The following LAMA3 variants were observed in gnomAD, a reference collection of about 807,000 sequenced individuals.
LAMA3 encodes laminin subunit alpha 3.
LAMA3 carries 281 observed loss-of-function variants against 402.0 expected under a neutral mutation model. That is an observed-to-expected ratio of 0.70 (90% CI 0.63 to 0.77). The LOEUF is 0.77. Among genes scored for constraint, LAMA3 ranks in the 30% least tolerant of loss-of-function variants. The pLI, the probability that LAMA3 is intolerant of heterozygous loss-of-function variation, is 0.00. For missense variants in LAMA3, 3,840 were observed against 4,215.5 expected (o/e 0.91, Z 2.47); for synonymous variants, 1,431 against 1,558.4 (o/e 0.92, Z 1.93).
chr18:23,757,019 T>C (rs1340299226), intron 6 of LAMA3, among the ~76,000 whole-genome samples: 2 of 147,848 alleles, frequency 1.4e-5, no homozygotes, highest in African/African-American at 5.0e-5. Flanking sequence ...AGCCCCAGAC[T>C]CTGAGGCCTG....
chr18:23,750,024 T>C (rs1036915403), intron 4 of LAMA3, among the ~76,000 whole-genome samples: 1 of 152,102 alleles, frequency 6.6e-6, no homozygotes, highest in African/African-American at 2.4e-5. Flanking sequence ...CACCTCTAGA[T>C]AGAAAGAGCC....
At chr18:23,867,961 CTTAATTAT>C (rs770791255) in intron 37 of LAMA3, 44 bp downstream of exon 37, 1 of 1,411,690 alleles carries the variant, frequency 7.1e-7, no homozygotes, top group South Asian at 1.2e-5. Context: ...TGTTTTGTGA[CTTAATTAT>C]TTCAGACAAT....
At chr18:23,781,046 GA>G (rs2062426932) in intron 11 of LAMA3, among the ~76,000 whole-genome samples, 1 of 152,188 alleles carries the variant, frequency 6.6e-6, no homozygotes, top group Admixed American at 6.5e-5. Flanking sequence ...GGACTCAAGG[GA>G]TTTTCTTGAG....
At chr18:23,800,907 C>T (rs928315116) in intron 12 of LAMA3, among the ~76,000 whole-genome samples, 12 of 152,068 alleles carry the variant, frequency 7.9e-5, no homozygotes, top group African/African-American at 2.9e-4. Flanking sequence ...ATATATACCT[C>T]GTTTTCTTTA....
At chr18:23,811,722 A>G (rs973845933) in intron 13 of LAMA3, among the ~76,000 whole-genome samples, 5 of 152,108 alleles carry the variant, frequency 3.3e-5, no homozygotes, top group Non-Finnish European at 5.9e-5. Context: ...ACAGGAGAAC[A>G]TCAGAAAAGA....
At position 23,932,276 on chromosome 18, in the gene LAMA3, A is replaced by C; in HGVS notation, c.8693A>C (p.Asn2898Thr). Residue 2898 changes from asparagine (N) to threonine (T), a missense_variant, in exon 66 of 75, where the codon AAT (asparagine) becomes ACT (threonine). By Grantham distance (65) the Asn-to-Thr change is moderately conservative. Around this residue, in one of 3 missense-constraint regions of LAMA3, gnomAD observed 840 missense variants for 981.9 expected, o/e 0.86. Coordinates refer to ENST00000313654, the MANE Select transcript of LAMA3 (RefSeq NM_198129.4). Reference protein sequence around the residue: ...GGSNFEGCISNVFVQRLSLSP... With the variant: ...GGSNFEGCISTVFVQRLSLSP... ...AGCAATTTTGAGGGTTGTATTAGCAATGTTTTTGTCCAGAGGTAGGTGATC... is the reference window on the plus strand; with the variant it reads ...AGCAATTTTGAGGGTTGTATTAGCACTGTTTTTGTCCAGAGGTAGGTGATC... The C allele has an allele frequency of 1.2e-6, 2 of 1,614,052 alleles. No individual in the cohort carries two copies. The highest frequency in any genetic ancestry group is 1.7e-6 in the Non-Finnish European group (2 of 1,179,894).
rs200940439 is a variant in LAMA3, at chr18:23,749,575, T to G, written c.684+29T>G. On this transcript the variant is annotated intron_variant, in intron 4 of 74. Coordinates refer to ENST00000313654, the MANE Select transcript of LAMA3 (RefSeq NM_198129.4). Reference sequence around the variant, plus strand: ...AGTAGATTTGGAAGACTGGGAGAGATAAGACTCAGAAATGACCATGAGGAT... The same window carrying G: ...AGTAGATTTGGAAGACTGGGAGAGAGAAGACTCAGAAATGACCATGAGGAT... The G allele has an allele frequency of 6.2e-5, 81 of 1,300,250 alleles. 1 individual carries two copies. The East Asian group carries it at 1.8e-3, about 28-fold the overall frequency. The allele number at this position is 1,300,250 out of a possible 1,614,324, so 80.5% of individuals were successfully genotyped here.
rs4800520 is a variant in LAMA3 at position 23,879,524 on chromosome 18, G to A, written c.5113-2412G>A. On this transcript the variant is annotated intron_variant, in intron 39 of 74. Coordinates refer to ENST00000313654, the MANE Select transcript of LAMA3 (RefSeq NM_198129.4). This position sits in a 1 kb window ranked among gnomAD's most constrained non-coding sequence, Gnocchi z 4.2. ...CACAGGACTACATGTACCCCGAGTC[G>A]AGGGACCAACCCTTCTTTACATCGC... 0.11 allele frequency among the ~76,000 whole-genome samples: 17,436 copies of A among 152,206 alleles called. 2,233 individuals are homozygous for A. Among genetic ancestry groups the A allele is most frequent in the African/African-American group, 0.3 (12,382 of 41,512 alleles).
At chr18:23,920,890 C>A (rs759973724) in intron 60 of LAMA3, 45 bp from the exon 61 acceptor site, 2 of 1,612,088 alleles carry the variant, frequency 1.2e-6, no homozygotes, top group Non-Finnish European at 1.7e-6. Context: ...TCTGCCTCTT[C>A]TTCAGCCAAG....
chr18:23,713,335 C>T (rs1415575640), intron 1 of LAMA3, among the ~76,000 whole-genome samples: 1 of 152,188 alleles, frequency 6.6e-6, no homozygotes, highest in Non-Finnish European at 1.5e-5. Context: ...GTGCTCACTG[C>T]CACTTACCAA....
intron 9 of LAMA3, among the ~76,000 whole-genome samples, chr18:23,775,569 A>G (rs976405505): frequency 6.6e-6 from 1 of 151,748 alleles, no homozygotes; most frequent in Admixed American, 6.6e-5. Context: ...CATCCATGAG[A>G]ACTTCTGTGT....
intron 24 of LAMA3, 145 bp downstream of exon 24, chr18:23,834,133 A>G (rs1402757173): frequency 1.1e-6 from 1 of 893,906 alleles, no homozygotes; most frequent in Non-Finnish European, 1.8e-6. Context: ...TGTGTGGCCC[A>G]ACGTCATCAC....
In LAMA3 at chr18:23,842,434, C is replaced by G; in HGVS notation, c.3376C>G (p.Arg1126Gly). ...GAGAGGACGTGTACCACACCTGGGC[C>G]GATACGTCTTTGTCATCCATTTTTA... is the stretch of plus-strand genomic sequence containing the variant. ...TLRGRVPHLG[R>G]YVFVIHFYQA... Residue 1126 changes from arginine to glycine, a missense_variant, in exon 28 of 75, where the codon CGA becomes GGA. Coordinates refer to ENST00000313654, the MANE Select transcript of LAMA3 (RefSeq NM_198129.4). 1 of 1,614,088 alleles carries G rather than the reference C, an allele frequency of 6.2e-7. No individual in the cohort carries two copies. The highest frequency in any genetic ancestry group is 8.5e-7 in the Non-Finnish European group (1 of 1,180,024).
intron 21 of LAMA3, among the ~76,000 whole-genome samples, chr18:23,824,963 A>G (rs966159589): frequency 6.6e-6 from 1 of 152,220 alleles, no homozygotes; most frequent in Non-Finnish European, 1.5e-5. Context: ...CATAAGAACT[A>G]GCAACTTCAC....
At chr18:23,890,233 C>T in intron 42 of LAMA3, 116 bp downstream of exon 42, 1 of 753,742 alleles carries the variant, frequency 1.3e-6, no homozygotes, top group Non-Finnish European at 2.4e-6. Flanking sequence ...AGCCAGCAAG[C>T]TGTCCCCAGG....
chr18:23,722,393 A>G (rs954643308), intron 2 of LAMA3, among the ~76,000 whole-genome samples: 1 of 152,214 alleles, frequency 6.6e-6, no homozygotes, highest in African/African-American at 2.4e-5. Context: ...CTGTGTGAAC[A>G]TATTCTTTTT....
At chr18:23,729,110 T>C (rs2061347485) in intron 2 of LAMA3, among the ~76,000 whole-genome samples, 1 of 115,420 alleles carries the variant, frequency 8.7e-6, no homozygotes, top group Non-Finnish European at 1.7e-5. Context: ...GCATATGATG[T>C]ATTGTGTGTG....
Position 23,763,533 on chromosome 18 carries a change from T to TTA in LAMA3, c.1182+10_1182+11insTA, listed in dbSNP as rs765092658. The TTA allele has an allele frequency of 4.1e-6, 6 of 1,473,594 alleles. No individual in the cohort carries two copies. The highest frequency in any genetic ancestry group is 5.7e-6 in the Non-Finnish European group (6 of 1,052,004). 91.3% of individuals were successfully genotyped at this position (1,473,594 alleles called of 1,614,324 possible). Reference sequence around the variant, plus strand: ...CTGCATTAACTGTCAGGTGAGGCACTATTTAAATCAAAGTGGATGTGTTGT... The same window carrying TTA: ...CTGCATTAACTGTCAGGTGAGGCACTTAATTTAAATCAAAGTGGATGTGTTGT... On this transcript the variant is annotated intron_variant, in intron 8 of 74. Coordinates refer to ENST00000313654, the MANE Select transcript of LAMA3 (RefSeq NM_198129.4).
chr18:23,706,604 T>C (rs1456551749), intron 1 of LAMA3, among the ~76,000 whole-genome samples: 2 of 152,236 alleles, frequency 1.3e-5, no homozygotes, highest in Non-Finnish European at 2.9e-5. Flanking sequence ...TTTCCTCTTC[T>C]GTGAAATGCC....
Sources: allele counts gnomAD v4.1 joint callset (sites outside exome capture counted in the v4.1 genomes callset), GRCh38; gene constraint gnomAD v4.1.1; regional missense constraint gnomAD v4.1.1; non-coding constraint Gnocchi (gnomAD v3.1); transcripts MANE v1.5; gene names NCBI Gene and HGNC (gene_info 2026-07-23, HGNC 2026-07-21).